The following MEI4 variants were observed in gnomAD, a reference collection of about 807,000 sequenced individuals.
MEI4 encodes the protein meiotic double-stranded break formation protein 4, also known as meiosis-specific protein MEI4.
A neutral mutation model predicts 31.4 loss-of-function variants in MEI4; 27 were observed. The ratio of observed to expected loss-of-function variants is 0.86; its 90% confidence interval spans 0.63 to 1.19. The LOEUF (loss-of-function observed/expected upper bound fraction) is 1.19, where lower values mean the gene tolerates loss of function less well. MEI4 is among the 50% of genes most tolerant of loss of function. The pLI, the probability that MEI4 is intolerant of heterozygous loss-of-function variation, is 0.00. For missense variants in MEI4, 329 were observed against 398.9 expected, an observed-to-expected ratio of 0.82 and a Z score of 1.49; for synonymous variants, 122 against 145.4, an observed-to-expected ratio of 0.84 and a Z score of 1.16.
At chr6:77,746,778 G>A (rs1487282139) in intron 2 of MEI4, among the ~76,000 whole-genome samples, 1 of 152,042 alleles carries the variant, frequency 6.6e-6, no homozygotes, top group Admixed American at 6.6e-5. Context: ...GAGGGTAAAA[G>A]AGAGAAAGGA....
intron 2 of MEI4, among the ~76,000 whole-genome samples, chr6:77,732,683 A>AG (rs1767044758): frequency 6.6e-6 from 1 of 152,078 alleles, no homozygotes; most frequent in South Asian, 2.1e-4. Flanking sequence ...GAGTGGTGAG[A>AG]GAGGGCATCC....
chr6:77,891,424 G>T (rs1187803633), intron 4 of MEI4, among the ~76,000 whole-genome samples: 1 of 151,892 alleles, frequency 6.6e-6, no homozygotes, highest in Non-Finnish European at 1.5e-5. Context: ...TTTGTGATTT[G>T]ATTTTATTTA....
intron 2 of MEI4, among the ~76,000 whole-genome samples, chr6:77,759,186 A>G (rs987186269): frequency 2.6e-5 from 4 of 151,834 alleles, no homozygotes; most frequent in Non-Finnish European, 5.9e-5. Flanking sequence ...TGTTTCCTTG[A>G]CTTTTATGAC....
At chr6:77,666,645 G>GGGCAAAGCTA (rs1282829011) in intron 1 of MEI4, among the ~76,000 whole-genome samples, 5 of 152,146 alleles carry the variant, frequency 3.3e-5, no homozygotes, top group Non-Finnish European at 7.3e-5. Flanking sequence ...AGCTGGTAAG[G>GGGCAAAGCTA]GGCAAAGCTA....
intron 3 of MEI4, among the ~76,000 whole-genome samples, chr6:77,800,824 G>T (rs998184910): frequency 2.0e-5 from 3 of 152,144 alleles, no homozygotes; most frequent in East Asian, 1.9e-4. Context: ...AACCAGCCTT[G>T]TATCCCAGGG....
At chr6:77,756,754 T>G (rs984523489) in intron 2 of MEI4, among the ~76,000 whole-genome samples, 1 of 152,020 alleles carries the variant, frequency 6.6e-6, no homozygotes, top group Non-Finnish European at 1.5e-5. Context: ...TTGTTGTGGT[T>G]TGGTATAATT....
At chr6:77,698,062 T>C (rs1280220923) in intron 2 of MEI4, among the ~76,000 whole-genome samples, 1 of 152,230 alleles carries the variant, frequency 6.6e-6, no homozygotes, top group East Asian at 1.9e-4. Context: ...GTTTAAAGTC[T>C]GTTTTATCAG....
At chr6:77,669,251 A>G (rs1768693822) in intron 1 of MEI4, among the ~76,000 whole-genome samples, 2 of 152,324 alleles carry the variant, frequency 1.3e-5, no homozygotes, top group South Asian at 4.1e-4. Flanking sequence ...ATACACATGT[A>G]CACTTGAGTT....
chr6:77,764,047 C>G (rs913541249), intron 3 of MEI4, among the ~76,000 whole-genome samples: 11 of 152,056 alleles, frequency 7.2e-5, no homozygotes, highest in African/African-American at 1.7e-4. Flanking sequence ...TTCTTGACCT[C>G]GTGATCTGCC....
At chr6:77,919,062 C>T (rs1320277127) in intron 4 of MEI4, among the ~76,000 whole-genome samples, 2 of 151,942 alleles carry the variant, frequency 1.3e-5, no homozygotes, top group Admixed American at 6.6e-5. Flanking sequence ...GACTTTAACA[C>T]CCCACTGTCA....
At chr6:77,650,589 G>A (rs1447456337), upstream of MEI4, among the ~76,000 whole-genome samples, 1 of 152,210 alleles carries the variant, frequency 6.6e-6, no homozygotes, top group Non-Finnish European at 1.5e-5. Context: ...AGGCGGGGCG[G>A]GCCCTGCACA....
intron 3 of MEI4, among the ~76,000 whole-genome samples, chr6:77,767,083 T>TAAACAAAC (rs564037520): frequency 2.6e-5 from 4 of 152,010 alleles, no homozygotes; most frequent in Non-Finnish European, 5.9e-5. Flanking sequence ...ATAGCTGTAT[T>TAAACAAAC]AAACAAACAA....
At chr6:77,758,001 C>A (rs1433778805) in intron 2 of MEI4, among the ~76,000 whole-genome samples, 1 of 151,814 alleles carries the variant, frequency 6.6e-6, no homozygotes, top group African/African-American at 2.4e-5. Flanking sequence ...ACTAAAAATA[C>A]AAAAATTAGC....
At chr6:77,856,961 T>C (rs1469138056) in intron 4 of MEI4, among the ~76,000 whole-genome samples, 1 of 152,228 alleles carries the variant, frequency 6.6e-6, no homozygotes, top group Non-Finnish European at 1.5e-5. Flanking sequence ...GCTAATCTCC[T>C]TACCACAATT....
intron 3 of MEI4, among the ~76,000 whole-genome samples, chr6:77,790,102 G>A (rs1367688986): frequency 6.6e-6 from 1 of 151,966 alleles, no homozygotes; most frequent in Admixed American, 6.6e-5. Flanking sequence ...CATGTCCTTT[G>A]TAGGGACATG....
chr6:77,809,198 G>A (rs1769512626), intron 3 of MEI4, among the ~76,000 whole-genome samples: 1 of 152,134 alleles, frequency 6.6e-6, no homozygotes, highest in African/African-American at 2.4e-5. Context: ...AGTGCTCGTG[G>A]AAAAATATGT....
At chr6:77,837,704 A>G (rs1770254958) in intron 4 of MEI4, among the ~76,000 whole-genome samples, 1 of 152,204 alleles carries the variant, frequency 6.6e-6, no homozygotes, top group East Asian at 1.9e-4. Flanking sequence ...TTCCTGGTAT[A>G]TATAAATCTT....
chr6:77,822,902 GT>G (rs1769860754), intron 3 of MEI4, among the ~76,000 whole-genome samples: 3 of 152,140 alleles, frequency 2.0e-5, no homozygotes, highest in South Asian at 4.2e-4. Flanking sequence ...GATTACAGGT[GT>G]GAGCCCTAAC....
intron 2 of MEI4, among the ~76,000 whole-genome samples, chr6:77,692,389 T>G (rs1159513338): frequency 3.3e-5 from 5 of 152,016 alleles, no homozygotes; most frequent in Non-Finnish European, 7.4e-5. Flanking sequence ...TTTTCTCAGG[T>G]CTCTTTACTT....
Sources: allele counts gnomAD v4.1 joint callset (sites outside exome capture counted in the v4.1 genomes callset), GRCh38; gene constraint gnomAD v4.1.1; transcripts MANE v1.5; gene names NCBI Gene and HGNC (gene_info 2026-07-23, HGNC 2026-07-21).